The following MICAL3 variants were observed in gnomAD, a reference collection of about 807,000 sequenced individuals.
MICAL3 encodes the protein microtubule associated monooxygenase, calponin and LIM domain containing 3.
MICAL3 carries 62 observed loss-of-function variants against 207.4 expected under a neutral mutation model. The observed-to-expected ratio is 0.30, with a 90% CI of 0.24 to 0.37. MICAL3 has a LOEUF of 0.37. MICAL3 is among the 10% of genes least tolerant of loss of function. The probability of loss-of-function intolerance (pLI) is 1.00; values close to 1 mark genes in which losing one functional copy is unlikely to be tolerated. For missense variants in MICAL3, 2,368 were observed against 2,635.6 expected (o/e 0.90, Z 2.22); for synonymous variants, 1,077 against 1,069.3 (o/e 1.01, Z -0.14).
chr22:17,864,649 C>T (rs1433304621), intron 19 of MICAL3: 1 of 1,595,802 alleles, frequency 6.3e-7, no homozygotes, highest in Non-Finnish European at 8.5e-7. Flanking sequence ...CACCGGACGG[C>T]CCCATCACTG....
rs1300138623 is a variant in MICAL3 at position 17,796,105 on chromosome 22, C to T, written c.5651-4804G>A. Among the ~76,000 whole-genome samples, 1 of 152,208 alleles carries T rather than the reference C, an allele frequency of 6.6e-6. No homozygotes were observed. Among genetic ancestry groups the T allele is most frequent in the Admixed American group, 6.5e-5 (1 of 15,292 alleles). On this transcript the variant is annotated intron_variant, in intron 29 of 31. Transcript: ENST00000441493. The surrounding 1 kb of genome is among the most constrained non-coding windows in gnomAD (Gnocchi z 4.4). ...CCACTTCTCAAAGCACTCCTGCGTG[C>T]CCTGGGCGCTGGCCACCCCTCCTGA...
intron 28 of MICAL3, among the ~76,000 whole-genome samples, chr22:17,810,032 G>T (rs903314523): frequency 2.6e-5 from 4 of 151,156 alleles, no homozygotes; most frequent in Admixed American, 2.6e-4. Context: ...GGGATTACAG[G>T]GGCCCGCCAC....
At chr22:17,824,763 G>C (rs1921997106) in intron 22 of MICAL3, among the ~76,000 whole-genome samples, 1 of 152,180 alleles carries the variant, frequency 6.6e-6, no homozygotes, top group Non-Finnish European at 1.5e-5. Context: ...GAAGCAGGGG[G>C]GAAATGCCTC....
At chr22:17,837,271 AGG>A (rs1299410978) in intron 20 of MICAL3, among the ~76,000 whole-genome samples, 1 of 152,248 alleles carries the variant, frequency 6.6e-6, no homozygotes, top group Non-Finnish European at 1.5e-5. Flanking sequence ...GCCAGCCCTG[AGG>A]GAGCGGCCTT....
chr22:17,938,945 G>A lies in MICAL3; in HGVS notation c.-74-32059C>T, dbSNP rs114215557. Among the ~76,000 whole-genome samples, 992 of 152,270 alleles carry A rather than the reference G, an allele frequency of 6.5e-3. 10 individuals carry two copies. The highest frequency in any genetic ancestry group is 0.023 in the African/African-American group (961 of 41,542). ...CAAACTCCCAGTAAAGGGGTGTTGT[G>A]GTTGGAATGTTTGTTCCTTTTGAAA... On this transcript the variant is annotated intron_variant, in intron 1 of 31. Coordinates refer to ENST00000441493, the MANE Select transcript of MICAL3 (RefSeq NM_015241.3).
At chr22:17,824,547 G>GT (rs1049731988) in intron 22 of MICAL3, among the ~76,000 whole-genome samples, 5 of 152,212 alleles carry the variant, frequency 3.3e-5, no homozygotes, top group African/African-American at 9.6e-5. Flanking sequence ...TTTATGCACA[G>GT]TTTGTAAGAT....
intron 1 of MICAL3, among the ~76,000 whole-genome samples, chr22:17,987,215 T>C (rs1214998811): frequency 6.6e-6 from 1 of 152,158 alleles, no homozygotes; most frequent in Non-Finnish European, 1.5e-5. Flanking sequence ...CACTCCAGCC[T>C]GGGTGACAGA....
chr22:17,863,498 G>A (rs1329688043), intron 19 of MICAL3: 4 of 985,242 alleles, frequency 4.1e-6, no homozygotes, highest in Non-Finnish European at 3.6e-6. Flanking sequence ...GGTACTTCAC[G>A]AGAAAGATGG....
chr22:17,962,818 C>G (rs1166969788), intron 1 of MICAL3, among the ~76,000 whole-genome samples: 1 of 151,804 alleles, frequency 6.6e-6, no homozygotes, highest in Admixed American at 6.6e-5. Context: ...AGGTGACAAA[C>G]ACTTGTTTTT....
intron 20 of MICAL3, chr22:17,839,725 C>T (rs12169756): frequency 0.13 from 20,139 of 150,844 alleles, 2,143 homozygotes; most frequent in African/African-American, 0.29. Flanking sequence ...CGCCACCATG[C>T]CCGGCTAATT....
chr22:17,831,112 T>C (rs1237134463), intron 21 of MICAL3, among the ~76,000 whole-genome samples: 1 of 152,164 alleles, frequency 6.6e-6, no homozygotes, highest in Non-Finnish European at 1.5e-5. Flanking sequence ...TTAAAGGTCA[T>C]GTCCTTCCTG....
intron 28 of MICAL3, among the ~76,000 whole-genome samples, chr22:17,809,288 T>G (rs929292301): frequency 6.6e-6 from 1 of 151,888 alleles, no homozygotes. Flanking sequence ...ACTGCTAGAG[T>G]GCTGGAGGGG....
At chr22:17,891,458 A>C (rs768670471) in intron 12 of MICAL3, 27 bp downstream of exon 12, 1 of 1,612,178 alleles carries the variant, frequency 6.2e-7, no homozygotes, top group East Asian at 2.2e-5. Flanking sequence ...GGAGTATAAA[A>C]AAACACAAAG....
chr22:17,912,308 T>C (rs1217038274), intron 1 of MICAL3, among the ~76,000 whole-genome samples: 1 of 152,050 alleles, frequency 6.6e-6, no homozygotes, highest in Non-Finnish European at 1.5e-5. Context: ...AGGGCTGTTT[T>C]GGCTATTCAG....
chr22:17,992,708 C>T (rs1216363085), intron 1 of MICAL3, among the ~76,000 whole-genome samples: 1 of 152,164 alleles, frequency 6.6e-6, no homozygotes, highest in Non-Finnish European at 1.5e-5. Context: ...ACCCGGAGGC[C>T]GCCAATTCAA....
intron 1 of MICAL3, among the ~76,000 whole-genome samples, chr22:18,001,786 G>A (rs1324278985): frequency 6.6e-6 from 1 of 152,238 alleles, no homozygotes; most frequent in African/African-American, 2.4e-5. Flanking sequence ...CGGGAGACGG[G>A]AAAGAACTGA....
chr22:17,865,104 T>TATTTATTTA (rs1926943798), intron 18 of MICAL3, 118 bp from the exon 19 acceptor site: 1 of 685,734 alleles, frequency 1.5e-6, no homozygotes, highest in Non-Finnish European at 1.9e-6. Context: ...TTTATTTATT[T>TATTTATTTA]ATTTATTTAT....
At chr22:17,872,279 G>A (rs1337269914) in intron 16 of MICAL3, among the ~76,000 whole-genome samples, 4 of 152,242 alleles carry the variant, frequency 2.6e-5, no homozygotes, top group Admixed American at 6.5e-5. Context: ...TGCTGCTGAC[G>A]AGGGAGCCAG....
intron 1 of MICAL3, among the ~76,000 whole-genome samples, chr22:17,929,439 G>A (rs548415218): frequency 5.3e-5 from 8 of 151,556 alleles, no homozygotes; most frequent in African/African-American, 1.9e-4. Flanking sequence ...GTGTAAGTTG[G>A]GTTATTTAAC....
Sources: gnomAD v4.1 joint callset for allele counts (sites outside exome capture counted in the v4.1 genomes callset) on GRCh38, gnomAD v4.1.1 for gene constraint, Gnocchi (gnomAD v3.1) non-coding constraint, MANE v1.5 for transcripts, NCBI Gene and HGNC (gene_info 2026-07-23, HGNC 2026-07-21) for gene names.